The following DPP8 variants were observed in gnomAD, a reference collection of about 807,000 sequenced individuals.
DPP8 encodes dipeptidyl peptidase 8, also known as DPP VIII.
A neutral mutation model predicts 107.5 loss-of-function variants in DPP8; 31 were observed. That is an observed-to-expected ratio of 0.29 (90% CI 0.22 to 0.39). The LOEUF is 0.39. Among genes scored for constraint, DPP8 ranks in the 10% least tolerant of loss-of-function variants. The pLI, the probability that DPP8 is intolerant of heterozygous loss-of-function variation, is 1.00. For missense variants in DPP8, 842 were observed against 1,076.1 expected (o/e 0.78, Z 3.04); for synonymous variants, 381 against 356.6 (o/e 1.07, Z -0.77).
At position 65,457,751 on chromosome 15, in the gene DPP8, T is replaced by TG. The variant is rs1450911797; in HGVS notation, c.1972-1381_1972-1380insC. On this transcript the variant is annotated intron_variant, in intron 15 of 19. Coordinates refer to ENST00000300141, the MANE Select transcript of DPP8 (RefSeq NM_130434.5). The stretch of plus-strand genomic sequence containing the variant: ...CAGGAGAATAATGTTTTTTTCCCAT[T>TG]TCTACCTTGGGAAGAGGGCGTTTGG... Among the ~76,000 whole-genome samples, 15 of 152,288 alleles carry TG rather than the reference T, an allele frequency of 9.8e-5. 1 individual carries two copies. The highest frequency in any genetic ancestry group is 3.6e-4 in the African/African-American group (15 of 41,558).
At chr15:65,478,817 C>T in intron 11 of DPP8, 63 bp downstream of exon 11, 3 of 1,162,438 alleles carry the variant, frequency 2.6e-6, no homozygotes, top group Non-Finnish European at 3.7e-6. Flanking sequence ...ATACATTCCC[C>T]TGTCCCTCCC....
chr15:65,498,160 G>GC, intron 4 of DPP8, 128 bp from the exon 5 acceptor site: 1 of 639,632 alleles, frequency 1.6e-6, no homozygotes, highest in Non-Finnish European at 2.4e-6. Context: ...GGTGACTTAC[G>GC]CCTGTAATCC....
At chr15:65,475,854 T>C (rs1233293524) in intron 11 of DPP8, among the ~76,000 whole-genome samples, 1 of 152,170 alleles carries the variant, frequency 6.6e-6, no homozygotes, top group Non-Finnish European at 1.5e-5. Flanking sequence ...ACTCAGGTGA[T>C]CCTCCCACCT....
intron 3 of DPP8, among the ~76,000 whole-genome samples, chr15:65,503,595 C>T (rs765242861): frequency 3.3e-5 from 5 of 151,698 alleles, no homozygotes; most frequent in African/African-American, 1.2e-4. Flanking sequence ...CGCTGCACCC[C>T]CACCGCCCTA....
At chr15:65,447,961 G>A (rs2063594501) in intron 19 of DPP8, among the ~76,000 whole-genome samples, 1 of 152,094 alleles carries the variant, frequency 6.6e-6, no homozygotes, top group Admixed American at 6.5e-5. Flanking sequence ...TGAAAGACTG[G>A]CATAACACAG....
chr15:65,481,599 T>C lies in DPP8; in HGVS notation c.1034A>G (p.Asp345Gly). Residue 345 changes from aspartate to glycine, a missense_variant, in exon 9 of 20, where the codon GAT becomes GGT. This residue lies in a region of DPP8 where 663 missense variants were observed against 758.0 expected (regional missense o/e 0.87). Transcript: ENST00000300141. ...DAEGRIIDVI[D>G]KELIQPFEIL... ...CTCAAAAGGTTGAATTAGTTCCTTATCTATGACATCTATGATCTATTAAAA... is the reference window on the plus strand; with the variant it reads ...CTCAAAAGGTTGAATTAGTTCCTTACCTATGACATCTATGATCTATTAAAA... 2.0e-6 allele frequency: 3 copies of C among 1,502,276 alleles called. No individual in the cohort carries two copies. Among genetic ancestry groups the C allele is most frequent in the Non-Finnish European group, 2.7e-6 (3 of 1,101,788 alleles). The allele number at this position is 1,502,276 out of a possible 1,614,324, so 93.1% of individuals were successfully genotyped here. A position where few individuals can be genotyped will look rare whatever the true frequency, so the allele number is the denominator to read the frequency against.
chr15:65,507,531 A>C (rs2070207122), intron 2 of DPP8, among the ~76,000 whole-genome samples, 176 bp from the exon 3 acceptor site: 1 of 152,114 alleles, frequency 6.6e-6, no homozygotes, highest in South Asian at 2.1e-4. Context: ...ATTTTCAATA[A>C]AACCAAGGCT....
intron 14 of DPP8, among the ~76,000 whole-genome samples, chr15:65,466,327 C>T (rs891647935): frequency 7.2e-5 from 11 of 151,894 alleles, no homozygotes; most frequent in African/African-American, 2.7e-4. Context: ...TTAGTGGAGA[C>T]GGGGTTTTAC....
At chr15:65,509,291 A>G (rs2070459298) in intron 2 of DPP8, among the ~76,000 whole-genome samples, 1 of 152,198 alleles carries the variant, frequency 6.6e-6, no homozygotes, top group Non-Finnish European at 1.5e-5. Flanking sequence ...GTCTTCAAAT[A>G]TTAAAACAAA....
At chr15:65,468,246 G>A (rs188298148) in intron 12 of DPP8, among the ~76,000 whole-genome samples, 1 of 152,268 alleles carries the variant, frequency 6.6e-6, no homozygotes. Flanking sequence ...TGTAATCCCA[G>A]TGTTTTGGGA....
At chr15:65,466,866 T>C in intron 13 of DPP8, 53 bp from the exon 14 acceptor site, 1 of 1,568,398 alleles carries the variant, frequency 6.4e-7, no homozygotes, top group Non-Finnish European at 8.7e-7. Flanking sequence ...GAAAAGGTTA[T>C]CTGCTGTTAC....
chr15:65,495,454 A>T (rs1050517224), intron 5 of DPP8, among the ~76,000 whole-genome samples: 1 of 152,030 alleles, frequency 6.6e-6, no homozygotes, highest in Non-Finnish European at 1.5e-5. Flanking sequence ...AAATACAAAA[A>T]TTAACCAGGT....
chr15:65,490,573 C>T (rs1039064542), intron 5 of DPP8, among the ~76,000 whole-genome samples: 1 of 152,126 alleles, frequency 6.6e-6, no homozygotes, highest in African/African-American at 2.4e-5. Context: ...GCACTTAGAA[C>T]AAAGCCTGGA....
intron 5 of DPP8, among the ~76,000 whole-genome samples, chr15:65,497,092 G>C (rs8034057): frequency 6.6e-6 from 1 of 151,806 alleles, no homozygotes; most frequent in East Asian, 1.9e-4. Flanking sequence ...GTTTCATCAC[G>C]TTGGCCAGAC....
chr15:65,495,617 C>A (rs546731630), intron 5 of DPP8, among the ~76,000 whole-genome samples: 1 of 148,186 alleles, frequency 6.7e-6, no homozygotes, highest in South Asian at 2.2e-4. Flanking sequence ...AACAAACAAA[C>A]AGGCTGAGCA....
intron 11 of DPP8, chr15:65,475,597 A>G: frequency 9.4e-7 from 1 of 1,066,654 alleles, no homozygotes; most frequent in Non-Finnish European, 1.4e-6. Flanking sequence ...CTTCTGAGGT[A>G]GCCATATCAG....
At chr15:65,456,643 T>C (rs554598284) in intron 15 of DPP8, among the ~76,000 whole-genome samples, 1 of 152,140 alleles carries the variant, frequency 6.6e-6, no homozygotes, top group Non-Finnish European at 1.5e-5. Context: ...CCACCCCATA[T>C]AAAAAGTTAC....
Position 65,500,675 on chromosome 15 carries a change from A to G in DPP8, c.477T>C (p.Ser159=), listed in dbSNP as rs1457640509. The G allele has an allele frequency of 1.2e-6, 2 of 1,613,904 alleles. No individual in the cohort carries two copies. Among genetic ancestry groups the G allele is most frequent in the South Asian group, 1.1e-5 (1 of 91,072 alleles). Residue 159 remains serine (S), a synonymous_variant, in exon 4 of 20, where the codon AGT becomes AGC. Transcript: ENST00000300141. ...TACCGGCTTGAAACAGAAATGTTCC[A>G]CTTCCTTGGTGATAATCGTAAGAAG... ...GIASYDYHQG[S]GTFLFQAGSG...
intron 15 of DPP8, among the ~76,000 whole-genome samples, chr15:65,463,357 G>C (rs1462809135): frequency 6.6e-6 from 1 of 152,144 alleles, no homozygotes; most frequent in Non-Finnish European, 1.5e-5. Context: ...TGACCAACAT[G>C]GTGAAATCCC....
Sources: gnomAD v4.1 joint callset for allele counts (sites outside exome capture counted in the v4.1 genomes callset) on GRCh38, gnomAD v4.1.1 for gene constraint, gnomAD v4.1.1 regional missense constraint, MANE v1.5 for transcripts, NCBI Gene and HGNC (gene_info 2026-07-23, HGNC 2026-07-21) for gene names.